Variants in ALKBH7 observed in about 807,000 individuals in gnomAD.
The protein encoded by ALKBH7 is alkB homolog 7, RNA demethylase, also known as RNA demethylase ALKBH7, mitochondrial.
Under a neutral mutation model 19.3 loss-of-function variants are expected in ALKBH7, and 21 were observed. That is an observed-to-expected ratio of 1.09 (90% CI 0.77 to 1.56). The LOEUF (loss-of-function observed/expected upper bound fraction) is 1.56, where lower values mean the gene tolerates loss of function less well. Ranked by LOEUF, ALKBH7 falls within the 40% of genes most tolerant of loss-of-function variation. The pLI, the probability that ALKBH7 is intolerant of heterozygous loss-of-function variation, is 0.00. For missense variants in ALKBH7, 354 were observed against 311.4 expected, an observed-to-expected ratio of 1.14 and a Z score of -1.03; for synonymous variants, 147 against 139.5, an observed-to-expected ratio of 1.05 and a Z score of -0.38.
rs370371894 is a variant in ALKBH7, at chr19:6,373,492, G to A, written c.204+468G>A. ...CCAGGGAGTCGGGTGTAGGGTTGGG[G>A]TGCGATTACGCTGCTAGCAGTTACA... On this transcript the variant is annotated intron_variant, in intron 1 of 3. Coordinates refer to ENST00000245812, the MANE Select transcript of ALKBH7 (RefSeq NM_032306.4). The A allele has an allele frequency of 7.0e-5, 40 of 569,356 alleles. 1 individual carries two copies. Among genetic ancestry groups the A allele is most frequent in the East Asian group, 3.5e-4 (10 of 28,496 alleles). The allele number at this position is 569,356 out of a possible 1,614,324, so 35.3% of individuals were successfully genotyped here. A position where few individuals can be genotyped will look rare whatever the true frequency, so the allele number is the denominator to read the frequency against.
rs1468106142 is a variant in ALKBH7 at position 6,374,381 on chromosome 19, G to A, written c.378+5G>A. On this transcript the variant is annotated splice_donor_5th_base_variant and intron_variant, in intron 2 of 3. Transcript: ENST00000245812. ...CCCCACGTGGACAGCATCAAGGTGG[G>A]CAGAGGACGGTGCCTTGGCACTCCC... is the stretch of plus-strand genomic sequence containing the variant. 6.2e-7 allele frequency: 1 copy of A among 1,606,108 alleles called. No individual in the cohort carries two copies. Among genetic ancestry groups the A allele is most frequent in the Admixed American group, 1.7e-5 (1 of 58,792 alleles).
In ALKBH7 at chr19:6,374,879, G is replaced by A. The variant is rs7540; in HGVS notation, c.572G>A (p.Arg191Gln). 129,378 of 1,613,816 alleles carry A rather than the reference G, an allele frequency of 0.08. 5,960 individuals carry two copies. Among genetic ancestry groups the A allele is most frequent in the Non-Finnish European group, 0.095 (111,833 of 1,179,772 alleles). Residue 191 changes from arginine to glutamine, a missense_variant, in exon 4 of 4, where the codon CGG becomes CAG. Physicochemically the swap from Arg to Gln is conservative, Grantham distance 43. Transcript: ENST00000245812. Reference protein sequence around the residue: ...RDEESFFGERRIPRGRRISVI... With the variant: ...RDEESFFGERQIPRGRRISVI... ...GAAGAGTCCTTCTTTGGGGAACGCC[G>A]GATTCCCCGGGGCCGGCGCATCTCC...
chr19:6,373,489 G>C (rs1314717303), intron 1 of ALKBH7: 1 of 544,108 alleles, frequency 1.8e-6, no homozygotes, highest in African/African-American at 2.0e-5. Context: ...GTGTAGGGTT[G>C]GGGTGCGATT....
chr19:6,373,558 G>T, intron 1 of ALKBH7: 3 of 1,006,286 alleles, frequency 3.0e-6, no homozygotes, highest in Non-Finnish European at 3.8e-6. Context: ...GCGTGGTCAG[G>T]TCGTCGAGCG....
chr19:6,374,717 G>A lies in ALKBH7; in HGVS notation c.504-94G>A. The A allele has an allele frequency of 2.2e-5, 35 of 1,596,044 alleles. No individual in the cohort carries two copies. In the South Asian group the frequency reaches 3.7e-4, roughly 17 times the overall value. On this transcript the variant is annotated intron_variant, in intron 3 of 3. Transcript: ENST00000245812. ...TACCCCAGGGTCTGTGTGGGAGGCA[G>A]CAGGGGGCTGGAATCCAGGAGGCTG...
intron 1 of ALKBH7, 93 bp downstream of exon 1, chr19:6,373,117 G>A: frequency 1.4e-6 from 2 of 1,442,300 alleles, no homozygotes; most frequent in South Asian, 1.4e-5. Flanking sequence ...GACACGCTGG[G>A]GGCGGTACCT....
At chr19:6,373,758 G>C in intron 1 of ALKBH7, 1 of 1,226,946 alleles carries the variant, frequency 8.2e-7, no homozygotes, top group Non-Finnish European at 1.0e-6. Flanking sequence ...CTATTGCAGG[G>C]ATTTGGGAGC....
In ALKBH7 at chr19:6,375,225, A is replaced by T; in HGVS notation, c.*252A>T. On this transcript the variant is annotated 3_prime_UTR_variant, in exon 4 of 4. Coordinates refer to ENST00000245812, the MANE Select transcript of ALKBH7 (RefSeq NM_032306.4). Reference sequence around the variant, plus strand: ...TCCCCTCCTCGTTGTCTCTGCATCCAGGTCTCCAATAAATAAGTCAGCCGA... The same window carrying T: ...TCCCCTCCTCGTTGTCTCTGCATCCTGGTCTCCAATAAATAAGTCAGCCGA... The T allele has an allele frequency of 7.3e-7, 1 of 1,378,226 alleles. No homozygotes were observed. Among genetic ancestry groups the T allele is most frequent in the Non-Finnish European group, 9.4e-7 (1 of 1,068,468 alleles). The allele number at this position is 1,378,226 out of a possible 1,614,324, so 85.4% of individuals were successfully genotyped here.
rs1320215156 is a variant in ALKBH7, at chr19:6,372,902, C to A, written c.82C>A (p.Arg28Ser). The A allele has an allele frequency of 1.3e-6, 2 of 1,554,148 alleles. No individual in the cohort carries two copies. Among genetic ancestry groups the A allele is most frequent in the Non-Finnish European group, 1.7e-6 (2 of 1,152,044 alleles). ...AGGCTCGGGCCCTTCCGTGCTGAGCCGCCTGCAGGACGCGGCCGTGGTGCG... is the reference window on the plus strand; with the variant it reads ...AGGCTCGGGCCCTTCCGTGCTGAGCAGCCTGCAGGACGCGGCCGTGGTGCG... Reference protein sequence around the residue: ...VRGSGPSVLSRLQDAAVVRPG... With the variant: ...VRGSGPSVLSSLQDAAVVRPG... The change falls in exon 1 of 4, where the codon CGC becomes AGC. Residue 28 changes from arginine (R) to serine (S), a missense_variant. By Grantham distance (110) the Arg-to-Ser change is moderately radical. Transcript: ENST00000245812.
chr19:6,374,427 C>T (rs1260133903), intron 2 of ALKBH7, 38 bp from the exon 3 acceptor site: 19 of 1,606,698 alleles, frequency 1.2e-5, no homozygotes, highest in Middle Eastern at 1.7e-4. Context: ...TAGGCAGGCC[C>T]GGTTAGATCC....
At position 6,374,961 on chromosome 19, in the gene ALKBH7, C is replaced by T. The variant is rs1568326391; in HGVS notation, c.654C>T (p.Pro218=). The T allele has an allele frequency of 6.3e-7, 1 of 1,597,476 alleles. No homozygotes were observed. The highest frequency in any genetic ancestry group is 1.3e-5 in the African/African-American group (1 of 74,756). Residue 218 remains proline, a synonymous_variant, in exon 4 of 4, where the codon CCC becomes CCT. Transcript: ENST00000245812. The part of the protein sequence containing the change: ...GMGPGESGQP[P]PAC ...GGCCAGGGGAGTCTGGACAGCCGCC[C>T]CCAGCCTGCTGACCCCCAGCTTTCT...
In ALKBH7 at chr19:6,374,958, G is replaced by T. The variant is rs374354467; in HGVS notation, c.651G>T (p.Pro217=). ...EGMGPGESGQ[P]PPAC ...TGGGGCCAGGGGAGTCTGGACAGCCGCCCCCAGCCTGCTGACCCCCAGCTT... is the reference window on the plus strand; with the variant it reads ...TGGGGCCAGGGGAGTCTGGACAGCCTCCCCCAGCCTGCTGACCCCCAGCTT... Residue 217 remains proline, a synonymous_variant, in exon 4 of 4, where the codon CCG becomes CCT. Coordinates refer to ENST00000245812, the MANE Select transcript of ALKBH7 (RefSeq NM_032306.4). 2 of 1,597,172 alleles carry T rather than the reference G, an allele frequency of 1.3e-6. No homozygotes were observed. The highest frequency in any genetic ancestry group is 1.1e-5 in the South Asian group (1 of 89,970).
intron 1 of ALKBH7, chr19:6,373,556 A>C (rs1056752841): frequency 1.5e-5 from 13 of 887,926 alleles, no homozygotes; most frequent in African/African-American, 2.3e-5. Context: ...GGGCGTGGTC[A>C]GGTCGTCGAG....
In ALKBH7 at chr19:6,372,847, GCGGA is replaced by G. The variant is rs2091897213; in HGVS notation, c.30_33del (p.Thr11CysfsTer15). On this transcript the variant is annotated frameshift_variant, in exon 1 of 4. Transcript: ENST00000245812. LOFTEE classifies it high-confidence loss of function. ...TGGCCGGGACTGGGCTGCTGGCGCTGCGGACGCTGCCAGGGCCCAGCTGGGTGCG... is the reference window on the plus strand; with the variant it reads ...TGGCCGGGACTGGGCTGCTGGCGCTGCGCTGCCAGGGCCCAGCTGGGTGCG... 1.3e-6 allele frequency: 2 copies of G among 1,547,860 alleles called. No homozygotes were observed. The highest frequency in any genetic ancestry group is 1.7e-6 in the Non-Finnish European group (2 of 1,150,622).
intron 1 of ALKBH7, 56 bp downstream of exon 1, chr19:6,373,080 G>T (rs1383128606): frequency 2.6e-6 from 4 of 1,513,926 alleles, no homozygotes; most frequent in Admixed American, 4.2e-5. Context: ...GCGCGGCCTG[G>T]GGACGTGGAG....
At position 6,373,671 on chromosome 19, in the gene ALKBH7, G is replaced by A. The variant is rs1014648896; in HGVS notation, c.205-532G>A. On this transcript the variant is annotated intron_variant, in intron 1 of 3. Transcript: ENST00000245812. ...GGGGACGGGGAAGTCGAGGTTTAGAGAGGGCAGAACCACGCTGGGGGCGGA... is the reference window on the plus strand; with the variant it reads ...GGGGACGGGGAAGTCGAGGTTTAGAAAGGGCAGAACCACGCTGGGGGCGGA... 2.3e-5 allele frequency: 28 copies of A among 1,242,682 alleles called. 1 individual carries two copies. Among genetic ancestry groups the A allele is most frequent in the Non-Finnish European group, 2.8e-5 (28 of 996,266 alleles). The allele number at this position is 1,242,682 out of a possible 1,614,324, so 77.0% of individuals were successfully genotyped here.
chr19:6,372,795 CTCTCTCAT>C lies in ALKBH7; in HGVS notation c.-25_-18del. On this transcript the variant is annotated 5_prime_UTR_variant, in exon 1 of 4. The change abolishes an upstream ATG in the 5' untranslated region. Coordinates refer to ENST00000245812, the MANE Select transcript of ALKBH7 (RefSeq NM_032306.4). ...GGCGGGGGCGTTCCCCAACCCTGCC[CTCTCTCAT>C]GACCCCGCTCCGGGATTATGGCCGG... 1 of 1,534,740 alleles carries C rather than the reference CTCTCTCAT, an allele frequency of 6.5e-7. No homozygotes were observed. Among genetic ancestry groups the C allele is most frequent in the East Asian group, 2.5e-5 (1 of 39,300 alleles).
intron 1 of ALKBH7, 66 bp from the exon 2 acceptor site, chr19:6,374,137 C>T: frequency 1.3e-6 from 2 of 1,584,176 alleles, no homozygotes; most frequent in South Asian, 2.3e-5. Flanking sequence ...CGTTTTCTGC[C>T]CCTCCTTGCC....
Position 6,372,964 on chromosome 19 carries a change from G to A in ALKBH7, c.144G>A (p.Leu48=), listed in dbSNP as rs778471020. 5.1e-6 allele frequency: 8 copies of A among 1,576,490 alleles called. No individual in the cohort carries two copies. Among genetic ancestry groups the A allele is most frequent in the Middle Eastern group, 2.3e-4 (1 of 4,416 alleles). Residue 48 remains leucine (L), a synonymous_variant, in exon 1 of 4, where the codon CTG becomes CTA. Coordinates refer to ENST00000245812, the MANE Select transcript of ALKBH7 (RefSeq NM_032306.4). ...GFLSTAEEET[L]SRELEPELRR... ...TGAGCACGGCAGAGGAGGAGACGCT[G>A]AGCCGAGAACTGGAGCCCGAGCTGC...
Sources: gnomAD v4.1 joint callset for allele counts on GRCh38, gnomAD v4.1.1 for gene constraint, MANE v1.5 for transcripts, NCBI Gene and HGNC (gene_info 2026-07-23, HGNC 2026-07-21) for gene names.